The following MAT1A variants were observed in gnomAD, a reference collection of about 807,000 sequenced individuals.
The protein encoded by MAT1A is methionine adenosyltransferase 1A.
A neutral mutation model predicts 44.0 loss-of-function variants in MAT1A; 19 were observed. That is an observed-to-expected ratio of 0.43 (90% CI 0.30 to 0.63). The LOEUF is 0.63. MAT1A is among the 30% of genes least tolerant of loss of function. The pLI, the probability that MAT1A is intolerant of heterozygous loss-of-function variation, is 0.12. For missense variants in MAT1A, 397 were observed against 531.0 expected (o/e 0.75, Z 2.48); for synonymous variants, 205 against 205.6 (o/e 1.00, Z 0.03).
chr10:80,276,382 A>G lies in MAT1A; in HGVS notation c.762T>C (p.Gly254=). The G allele has an allele frequency of 6.2e-7, 1 of 1,614,040 alleles. No homozygotes were observed. The highest frequency in any genetic ancestry group is 8.5e-7 in the Non-Finnish European group (1 of 1,180,018). The change falls in exon 6 of 9, where the codon GGT becomes GGC. Residue 254 remains glycine, a synonymous_variant. Coordinates refer to ENST00000372213, the MANE Select transcript of MAT1A (RefSeq NM_000429.3). ...LQPSGRFVIG[G]PQGDAGVTGR... is the part of the protein sequence containing the mutation. Reference sequence around the variant, plus strand: ...TTCAGAGACAAGAATGCACCTGGGGACCTCCGATGACAAACCGCCCACTGG... The same window carrying G: ...TTCAGAGACAAGAATGCACCTGGGGGCCTCCGATGACAAACCGCCCACTGG...
chr10:80,286,234 T>C (rs961559776), intron 1 of MAT1A, among the ~76,000 whole-genome samples: 5 of 152,146 alleles, frequency 3.3e-5, no homozygotes, highest in African/African-American at 1.2e-4. Context: ...CCTTTAATTC[T>C]AACATCTACA....
chr10:80,272,085 A>T lies in MAT1A; in HGVS notation c.*1696T>A, dbSNP rs1246914078. ...TCTTTTGTTGCCTTAATTTCCTTTC[A>T]CCTGAGAGAAAATGAAAGCCAGGGT... is the stretch of plus-strand genomic sequence containing the variant. On this transcript the variant is annotated 3_prime_UTR_variant, in exon 9 of 9. Coordinates refer to ENST00000372213, the MANE Select transcript of MAT1A (RefSeq NM_000429.3). The T allele has an allele frequency of 5.9e-5, 9 of 151,976 alleles. No individual in the cohort carries two copies. The highest frequency in any genetic ancestry group is 7.4e-5 in the Non-Finnish European group (5 of 67,986). The allele number at this position is 151,976 out of a possible 1,614,324, so 9.4% of individuals were successfully genotyped here. A position where few individuals can be genotyped will look rare whatever the true frequency, so the allele number is the denominator to read the frequency against.
At chr10:80,277,684 G>C (rs568412187) in intron 5 of MAT1A, among the ~76,000 whole-genome samples, 2 of 152,326 alleles carry the variant, frequency 1.3e-5, no homozygotes, top group African/African-American at 4.8e-5. Flanking sequence ...TGCACAGCTG[G>C]GGAGGGTGCT....
At chr10:80,278,752 TC>T (rs1841522258) in intron 5 of MAT1A, among the ~76,000 whole-genome samples, 1 of 152,210 alleles carries the variant, frequency 6.6e-6, no homozygotes, top group Non-Finnish European at 1.5e-5. Context: ...AGGAACTCCA[TC>T]TCTGTACAAC....
At position 80,280,382 on chromosome 10, in the gene MAT1A, C is replaced by G; in HGVS notation, c.406-66G>C. On this transcript the variant is annotated intron_variant, in intron 4 of 8. Transcript: ENST00000372213. The stretch of plus-strand genomic sequence containing the variant: ...CAAGAGGACCGCAGCTCTCTCCAAG[C>G]CTGAAATCTCCCTGGTGTGTCCACG... The G allele has an allele frequency of 4.4e-6, 7 of 1,593,126 alleles. No homozygotes were observed. The South Asian group carries it at 7.7e-5, about 18-fold the overall frequency.
chr10:80,280,592 G>C (rs1361358328), intron 4 of MAT1A, 88 bp downstream of exon 4: 2 of 1,220,980 alleles, frequency 1.6e-6, no homozygotes, highest in Non-Finnish European at 2.4e-6. Context: ...GCTAGGACAA[G>C]AATCCACCCC....
Position 80,273,666 on chromosome 10 carries a change from GC to G in MAT1A, c.*114del. On this transcript the variant is annotated 3_prime_UTR_variant, in exon 9 of 9. Coordinates refer to ENST00000372213, the MANE Select transcript of MAT1A (RefSeq NM_000429.3). ...GGACAGGCTAAATGAGAGGGACCTGGCTTTGCCCTGAGGGTTGGTGGGTGGG... is the reference window on the plus strand; with the variant it reads ...GGACAGGCTAAATGAGAGGGACCTGGTTTGCCCTGAGGGTTGGTGGGTGGG... 1.2e-6 allele frequency: 1 copy of G among 806,282 alleles called. No individual in the cohort carries two copies. Among genetic ancestry groups the G allele is most frequent in the South Asian group, 1.3e-5 (1 of 74,232 alleles). The allele number at this position is 806,282 out of a possible 1,614,324, so 49.9% of individuals were successfully genotyped here. A position where few individuals can be genotyped will look rare whatever the true frequency, so the allele number is the denominator to read the frequency against.
At chr10:80,276,964 G>C (rs923471052) in intron 5 of MAT1A, among the ~76,000 whole-genome samples, 20 of 152,188 alleles carry the variant, frequency 1.3e-4, no homozygotes, top group Non-Finnish European at 4.4e-5. Flanking sequence ...TAGCCCAGGA[G>C]GTATCTCTCC....
At chr10:80,277,969 C>T (rs561555004) in intron 5 of MAT1A, among the ~76,000 whole-genome samples, 1 of 152,248 alleles carries the variant, frequency 6.6e-6, no homozygotes, top group Non-Finnish European at 1.5e-5. Flanking sequence ...AGCCAGCAGT[C>T]CAGCTGGATG....
chr10:80,273,310 C>T lies in MAT1A; in HGVS notation c.*471G>A, dbSNP rs376168933. 2.0e-5 allele frequency: 5 copies of T among 247,654 alleles called. No individual in the cohort carries two copies. The highest frequency in any genetic ancestry group is 1.0e-4 in the East Asian group (1 of 9,922). 15.3% of individuals were successfully genotyped at this position (247,654 alleles called of 1,614,324 possible). The stretch of plus-strand genomic sequence containing the variant: ...CTCTAACCCCTGCCACATGCCTGGC[C>T]TGGGTGGGGCTTTCTGGAGACCCTG... On this transcript the variant is annotated 3_prime_UTR_variant, in exon 9 of 9. Coordinates refer to ENST00000372213, the MANE Select transcript of MAT1A (RefSeq NM_000429.3).
chr10:80,278,603 C>T (rs920996405), intron 5 of MAT1A, among the ~76,000 whole-genome samples: 2 of 152,262 alleles, frequency 1.3e-5, no homozygotes, highest in Non-Finnish European at 2.9e-5. Context: ...TGATGGTTCC[C>T]ATCCCCACCT....
intron 5 of MAT1A, 88 bp downstream of exon 5, chr10:80,280,085 C>A (rs1841542811): frequency 6.7e-7 from 1 of 1,496,114 alleles, no homozygotes; most frequent in East Asian, 2.3e-5. Flanking sequence ...ATATTTCGAT[C>A]TTAAAAATGA....
intron 1 of MAT1A, among the ~76,000 whole-genome samples, chr10:80,288,761 G>T (rs1265324820): frequency 2.0e-5 from 3 of 151,924 alleles, no homozygotes; most frequent in African/African-American, 7.3e-5. Flanking sequence ...ATTGGCCATG[G>T]ATAATAGATT....
chr10:80,279,054 G>A (rs900167832), intron 5 of MAT1A, among the ~76,000 whole-genome samples: 1 of 152,244 alleles, frequency 6.6e-6, no homozygotes, highest in Non-Finnish European at 1.5e-5. Context: ...ATAAAAGGTT[G>A]TGAATGCCAG....
intron 2 of MAT1A, 109 bp from the exon 3 acceptor site, chr10:80,284,147 T>TA (rs1841610298): frequency 7.1e-7 from 1 of 1,411,616 alleles, no homozygotes; most frequent in African/African-American, 1.4e-5. Context: ...GGAGGGGCCT[T>TA]ACGAGGAATG....
intron 5 of MAT1A, among the ~76,000 whole-genome samples, chr10:80,279,595 C>T (rs921764627): frequency 6.6e-6 from 1 of 152,052 alleles, no homozygotes; most frequent in African/African-American, 2.4e-5. Flanking sequence ...ACTTGAATCA[C>T]CTCAGCCTTC....
At chr10:80,274,741 G>A in intron 7 of MAT1A, 88 bp from the exon 8 acceptor site, 1 of 1,566,452 alleles carries the variant, frequency 6.4e-7, no homozygotes, top group Non-Finnish European at 8.7e-7. Flanking sequence ...GAAGGGACCA[G>A]CGGGGACCAC....
chr10:80,280,533 C>T, intron 4 of MAT1A, 147 bp downstream of exon 4: 2 of 954,350 alleles, frequency 2.1e-6, no homozygotes, highest in Non-Finnish European at 1.7e-6. Flanking sequence ...CACAGCCATC[C>T]ACAGCACGGC....
chr10:80,273,751 G>T lies in MAT1A; in HGVS notation c.*30C>A. The T allele has an allele frequency of 6.6e-7, 1 of 1,516,134 alleles. No homozygotes were observed. Among genetic ancestry groups the T allele is most frequent in the Non-Finnish European group, 9.2e-7 (1 of 1,092,648 alleles). 93.9% of individuals were successfully genotyped at this position (1,516,134 alleles called of 1,614,324 possible). A position where few individuals can be genotyped will look rare whatever the true frequency, so the allele number is the denominator to read the frequency against. Reference sequence around the variant, plus strand: ...GGAGCATGGCCACCAGGTGCCTCCAGGGTGAGACCAGGCCCAGCTCCCCCT... The same window carrying T: ...GGAGCATGGCCACCAGGTGCCTCCATGGTGAGACCAGGCCCAGCTCCCCCT... On this transcript the variant is annotated 3_prime_UTR_variant, in exon 9 of 9. Transcript: ENST00000372213.
Sources: allele counts gnomAD v4.1 joint callset (sites outside exome capture counted in the v4.1 genomes callset), GRCh38; gene constraint gnomAD v4.1.1; transcripts MANE v1.5; gene names NCBI Gene and HGNC (gene_info 2026-07-23, HGNC 2026-07-21).